AKR1C3: variants seen among roughly 807,000 people sequenced by gnomAD.
The protein encoded by AKR1C3 is 3-alpha hydroxysteroid dehydrogenase, type II.
Under a neutral mutation model 43.6 loss-of-function variants are expected in AKR1C3, and 48 were observed. The observed-to-expected ratio is 1.10, with a 90% CI of 0.87 to 1.40. AKR1C3 has a LOEUF of 1.40. AKR1C3 is among the 40% of genes most tolerant of loss of function. The pLI, the probability that AKR1C3 is intolerant of heterozygous loss-of-function variation, is 0.00. For synonymous variants in AKR1C3, 162 were observed against 139.6 expected, an observed-to-expected ratio of 1.16 and a Z score of -1.13; for missense variants, 482 against 391.2, an observed-to-expected ratio of 1.23 and a Z score of -1.96.
At chr10:5,053,298 G>A (rs1380175204) in intron 1 of AKR1C3, among the ~76,000 whole-genome samples, 2 of 152,230 alleles carry the variant, frequency 1.3e-5, no homozygotes, top group Non-Finnish European at 2.9e-5. Context: ...CCATGGGGAG[G>A]CAGCTAAGGT....
At chr10:5,079,680 A>T (rs4881397) in intron 1 of AKR1C3, among the ~76,000 whole-genome samples, 132,589 of 151,960 alleles carry the variant, frequency 0.87, 58,102 homozygotes, top group African/African-American at 0.96. Flanking sequence ...TGGCTCACCA[A>T]GCATACCTCT....
chr10:5,088,799 A>C (rs1202695666), intron 1 of AKR1C3, among the ~76,000 whole-genome samples: 1 of 151,994 alleles, frequency 6.6e-6, no homozygotes, highest in African/African-American at 2.4e-5. Context: ...TAGGTAATTT[A>C]TGCTCAAGGT....
rs782245533 is a variant in AKR1C3, at chr10:5,099,359, C to G, written c.480C>G (p.Ala160=). ...AGAAGTGTAAGGATGCAGGATTGGC[C>G]AAGTCCATTGGGGTGTCAAACTTCA... ...AMEKCKDAGL[A]KSIGVSNFNR... is the part of the protein sequence containing the mutation. The change falls in exon 5 of 9, where the codon GCC becomes GCG. Residue 160 remains alanine (A), a synonymous_variant. Coordinates refer to ENST00000380554, the MANE Select transcript of AKR1C3 (RefSeq NM_003739.6). 7.4e-6 allele frequency: 12 copies of G among 1,613,992 alleles called. No homozygotes were observed. The highest frequency in any genetic ancestry group is 1.7e-5 in the Admixed American group (1 of 59,992).
intron 1 of AKR1C3, among the ~76,000 whole-genome samples, chr10:5,050,893 C>T (rs782328165): frequency 6.6e-6 from 1 of 152,152 alleles, no homozygotes; most frequent in African/African-American, 2.4e-5. Flanking sequence ...AAAAGACAGC[C>T]TAATTGCTAC....
chr10:5,089,603 T>TC (rs1374746251), upstream of AKR1C3, among the ~76,000 whole-genome samples: 1 of 152,108 alleles, frequency 6.6e-6, no homozygotes, highest in African/African-American at 2.4e-5. Flanking sequence ...TTTGGTTTTT[T>TC]CCCAAAATAA....
intron 1 of AKR1C3, among the ~76,000 whole-genome samples, chr10:5,087,742 T>C (rs1341554441): frequency 6.6e-6 from 1 of 152,140 alleles, no homozygotes; most frequent in Non-Finnish European, 1.5e-5. Context: ...TAGCTGACTA[T>C]CAATTTTGTT....
intron 8 of AKR1C3, among the ~76,000 whole-genome samples, chr10:5,105,922 T>A (rs587630388): frequency 6.6e-6 from 1 of 152,260 alleles, no homozygotes; most frequent in East Asian, 1.9e-4. Flanking sequence ...GCAGCCAACA[T>A]CATTGCCAAG....
intron 7 of AKR1C3, among the ~76,000 whole-genome samples, chr10:5,103,073 T>G (rs1419478649): frequency 6.6e-6 from 1 of 151,970 alleles, no homozygotes; most frequent in Non-Finnish European, 1.5e-5. Flanking sequence ...TAATTTTTAA[T>G]AGAGAAGGTA....
chr10:5,089,626 T>G (rs1490912826), upstream of AKR1C3, among the ~76,000 whole-genome samples: 1 of 152,124 alleles, frequency 6.6e-6, no homozygotes, highest in Non-Finnish European at 1.5e-5. Flanking sequence ...ATATCTTTTT[T>G]TCTTTCCTTG....
intron 1 of AKR1C3, among the ~76,000 whole-genome samples, chr10:5,059,403 C>T (rs1044019543): frequency 6.6e-6 from 1 of 152,134 alleles, no homozygotes; most frequent in East Asian, 1.9e-4. Context: ...CTCACTTGGG[C>T]GACATGCCTT....
intron 1 of AKR1C3, among the ~76,000 whole-genome samples, chr10:5,085,178 T>G (rs1239712814): frequency 4.6e-5 from 7 of 152,000 alleles, no homozygotes; most frequent in Admixed American, 2.0e-4. Context: ...ATGCTTCCAG[T>G]TTTTGCCCAT....
At chr10:5,106,338 T>C (rs9888075) in intron 8 of AKR1C3, among the ~76,000 whole-genome samples, 3,310 of 152,162 alleles carry the variant, frequency 0.022, 115 homozygotes, top group African/African-American at 0.074. Flanking sequence ...GGAGTGTGAG[T>C]GTGGAGGCAG....
chr10:5,102,847 C>A (rs587750857), intron 7 of AKR1C3, among the ~76,000 whole-genome samples, 197 bp downstream of exon 7: 1 of 152,208 alleles, frequency 6.6e-6, no homozygotes, highest in South Asian at 2.1e-4. Flanking sequence ...TAAGATGGGA[C>A]CAAAAATGGA....
chr10:5,083,184 T>C (rs1360421587), intron 1 of AKR1C3, among the ~76,000 whole-genome samples: 3 of 152,188 alleles, frequency 2.0e-5, no homozygotes, highest in Non-Finnish European at 2.9e-5. Context: ...CATTAACTTG[T>C]CATTTAGCAT....
intron 1 of AKR1C3, among the ~76,000 whole-genome samples, chr10:5,086,012 T>G (rs79151870): frequency 6.6e-6 from 1 of 151,838 alleles, no homozygotes; most frequent in Non-Finnish European, 1.5e-5. Flanking sequence ...TTTGTTGATC[T>G]TTTCAAAAAA....
upstream of AKR1C3, among the ~76,000 whole-genome samples, chr10:5,091,327 T>G (rs1839084638): frequency 6.6e-6 from 1 of 152,120 alleles, no homozygotes; most frequent in Non-Finnish European, 1.5e-5. Context: ...CACCACAAAT[T>G]AATTTTCTCG....
intron 1 of AKR1C3, among the ~76,000 whole-genome samples, chr10:5,075,757 C>G (rs1269018512): frequency 6.6e-6 from 1 of 152,016 alleles, no homozygotes; most frequent in Non-Finnish European, 1.5e-5. Flanking sequence ...GCCTCCTATC[C>G]CACCTACTCG....
At chr10:5,093,616 T>C (rs1366454784), upstream of AKR1C3, 1 of 152,138 alleles carries the variant, frequency 6.6e-6, no homozygotes, top group Admixed American at 6.6e-5. Flanking sequence ...TGACAGATTA[T>C]ATAAAATGGT....
chr10:5,051,431 G>C (rs942477534), intron 1 of AKR1C3, among the ~76,000 whole-genome samples: 3 of 152,090 alleles, frequency 2.0e-5, no homozygotes, highest in African/African-American at 7.2e-5. Context: ...TCCAGGCAGG[G>C]GAGTAGAATT....
Sources: gnomAD v4.1 joint callset for allele counts (sites outside exome capture counted in the v4.1 genomes callset) on GRCh38, gnomAD v4.1.1 for gene constraint, MANE v1.5 for transcripts, NCBI Gene and HGNC (gene_info 2026-07-23, HGNC 2026-07-21) for gene names.